The following TOGARAM2 variants were observed in gnomAD, a reference collection of about 807,000 sequenced individuals.
TOGARAM2 encodes the protein TOG array regulator of axonemal microtubules 2.
Under a neutral mutation model 93.3 loss-of-function variants are expected in TOGARAM2, and 85 were observed. That is an observed-to-expected ratio of 0.91 (90% confidence interval 0.76 to 1.09). TOGARAM2 has a LOEUF of 1.09. Among genes scored for constraint, TOGARAM2 ranks in the 50% least tolerant of loss-of-function variants. TOGARAM2 has a pLI of 0.00. For synonymous variants in TOGARAM2, 593 were observed against 552.8 expected, an observed-to-expected ratio of 1.07 and a Z score of -1.02; for missense variants, 1,277 against 1,334.5, an observed-to-expected ratio of 0.96 and a Z score of 0.67.
intron 2 of TOGARAM2, among the ~76,000 whole-genome samples, chr2:28,995,334 G>A (rs541852446): frequency 6.6e-6 from 1 of 152,226 alleles, no homozygotes; most frequent in African/African-American, 2.4e-5. Flanking sequence ...GTGAGCCTCA[G>A]TTTCCCCTGG....
intron 18 of TOGARAM2, among the ~76,000 whole-genome samples, chr2:29,041,830 C>G (rs1407634940): frequency 6.6e-6 from 1 of 152,206 alleles, no homozygotes; most frequent in Non-Finnish European, 1.5e-5. Context: ...AGATTCTAGC[C>G]TCTTCATTGG....
chr2:29,006,146 T>C (rs899992062), intron 6 of TOGARAM2, among the ~76,000 whole-genome samples: 8 of 144,368 alleles, frequency 5.5e-5, no homozygotes, highest in Non-Finnish European at 1.2e-4. Context: ...AGAGCATGCA[T>C]GTGCGTAAGT....
intron 1 of TOGARAM2, among the ~76,000 whole-genome samples, chr2:28,983,196 ATATTTTTTTTT>A (rs1572628496): frequency 6.2e-5 from 3 of 48,138 alleles, no homozygotes; most frequent in Admixed American, 2.8e-4. Flanking sequence ...ATATATATAT[ATATTTTTTTTT>A]TTTTTTTTTT....
intron 8 of TOGARAM2, among the ~76,000 whole-genome samples, chr2:29,016,268 A>ACC (rs1476129976): frequency 6.6e-6 from 1 of 151,762 alleles, no homozygotes; most frequent in African/African-American, 2.4e-5. Flanking sequence ...GAATCTGCCC[A>ACC]CCCCACCATC....
At chr2:29,002,856 C>A (rs1673390109) in intron 5 of TOGARAM2, 109 bp downstream of exon 5, 1 of 1,064,152 alleles carries the variant, frequency 9.4e-7, no homozygotes. Context: ...CTGAGCATCC[C>A]TGGAGGTGTC....
rs759819548 is a variant in TOGARAM2, at chr2:29,017,157, C to T, written c.1048C>T (p.Gln350Ter). 3.1e-6 allele frequency: 5 copies of T among 1,612,538 alleles called. No homozygotes were observed. The highest frequency in any genetic ancestry group is 4.2e-6 in the Non-Finnish European group (5 of 1,179,356). ...EDQKEIGTKI[Q>*]VTISKSAREK... ...GTTTGCCTTGACCTTGTGCCAGATC[C>T]AAGTCACCATCTCCAAGTCTGCCCG... is the stretch of plus-strand genomic sequence containing the variant. The change falls in exon 9 of 20, where the codon CAA becomes TAA. Residue 350 changes from glutamine (Q) to a stop codon, truncating the protein, a stop_gained. Coordinates refer to ENST00000379558, the MANE Select transcript of TOGARAM2 (RefSeq NM_199280.4). LOFTEE classifies it high-confidence loss of function.
At chr2:29,034,798 G>A (rs532478409) in intron 16 of TOGARAM2, among the ~76,000 whole-genome samples, 1 of 152,266 alleles carries the variant, frequency 6.6e-6, no homozygotes, top group Non-Finnish European at 1.5e-5. Flanking sequence ...CAGGATATAG[G>A]AGCTGGGCAG....
At chr2:29,017,408 AT>A in intron 9 of TOGARAM2, 104 bp downstream of exon 9, 1 of 1,126,308 alleles carries the variant, frequency 8.9e-7, no homozygotes, top group Non-Finnish European at 1.2e-6. Context: ...TTTTATTAGT[AT>A]TTATGTATTT....
At chr2:28,984,728 C>T (rs531987033) in intron 1 of TOGARAM2, among the ~76,000 whole-genome samples, 1 of 152,320 alleles carries the variant, frequency 6.6e-6, no homozygotes, top group South Asian at 2.1e-4. Context: ...TGGTGGAAAT[C>T]TCAGGGCCAG....
At chr2:28,998,278 T>C in intron 3 of TOGARAM2, 25 bp downstream of exon 3, 1 of 1,544,154 alleles carries the variant, frequency 6.5e-7, no homozygotes, top group Non-Finnish European at 8.9e-7. Flanking sequence ...CCTCACCTGG[T>C]CAGGGCCCCT....
rs1010602885 is a variant in TOGARAM2 at position 28,981,439 on chromosome 2, C to T, written c.-210C>T. 1 of 152,402 alleles carries T rather than the reference C, an allele frequency of 6.6e-6. No homozygotes were observed. The highest frequency in any genetic ancestry group is 2.4e-5 in the African/African-American group (1 of 41,464). The allele number at this position is 152,402 out of a possible 1,614,324, so 9.4% of individuals were successfully genotyped here. On this transcript the variant is annotated 5_prime_UTR_variant, in exon 1 of 20. Coordinates refer to ENST00000379558, the MANE Select transcript of TOGARAM2 (RefSeq NM_199280.4). ...CAGGGTGGGCCAGGCCTGGGGCTGC[C>T]CCGTCCTTGCCTCCCTGGGCCCATG...
intron 1 of TOGARAM2, among the ~76,000 whole-genome samples, chr2:28,985,071 A>T (rs1448662425): frequency 1.3e-5 from 2 of 152,228 alleles, no homozygotes; most frequent in African/African-American, 2.4e-5. Flanking sequence ...GTTAAAGCCT[A>T]ACCCCCCATG....
At chr2:29,001,057 G>A (rs963179069) in intron 4 of TOGARAM2, among the ~76,000 whole-genome samples, 2 of 152,316 alleles carry the variant, frequency 1.3e-5, no homozygotes, top group Admixed American at 1.3e-4. Flanking sequence ...AGCAAGCATG[G>A]AGGGCCGGGG....
chr2:28,966,215 T>C (rs1671864913), intron 1 of TOGARAM2, among the ~76,000 whole-genome samples: 1 of 152,102 alleles, frequency 6.6e-6, no homozygotes, highest in African/African-American at 2.4e-5. Flanking sequence ...GGTCTCAAAC[T>C]CCTGACCTCA....
intron 18 of TOGARAM2, among the ~76,000 whole-genome samples, chr2:29,038,491 C>T (rs566410914): frequency 1.2e-4 from 19 of 152,056 alleles, no homozygotes; most frequent in African/African-American, 3.6e-4. Context: ...TTTGTTTTTT[C>T]GAGATGGAAT....
At chr2:28,994,367 C>A (rs1016736551) in intron 1 of TOGARAM2, among the ~76,000 whole-genome samples, 7 of 152,240 alleles carry the variant, frequency 4.6e-5, no homozygotes, top group African/African-American at 1.2e-4. Flanking sequence ...GGGCAGCTGG[C>A]GGACTCAGGG....
chr2:28,961,453 C>T (rs1671804151), intron 1 of TOGARAM2, among the ~76,000 whole-genome samples: 2 of 152,064 alleles, frequency 1.3e-5, no homozygotes, highest in South Asian at 4.2e-4. Flanking sequence ...GCGATTCTCC[C>T]ACCTCAGCCT....
At chr2:28,994,186 T>G (rs968882344) in intron 1 of TOGARAM2, among the ~76,000 whole-genome samples, 3 of 152,006 alleles carry the variant, frequency 2.0e-5, no homozygotes, top group African/African-American at 7.3e-5. Context: ...ATGCGGTGGC[T>G]GAGGGGGGTC....
At chr2:28,994,074 G>A (rs1043917344) in intron 1 of TOGARAM2, among the ~76,000 whole-genome samples, 2 of 152,190 alleles carry the variant, frequency 1.3e-5, no homozygotes, top group Admixed American at 6.5e-5. Flanking sequence ...AGTGTGCAGT[G>A]AGACCCTGTC....
Sources: allele counts gnomAD v4.1 joint callset (sites outside exome capture counted in the v4.1 genomes callset), GRCh38; gene constraint gnomAD v4.1.1; transcripts MANE v1.5; gene names NCBI Gene and HGNC (gene_info 2026-07-23, HGNC 2026-07-21).